RASGRP2: variants seen among roughly 807,000 people sequenced by gnomAD.
The protein encoded by RASGRP2 is RAS guanyl releasing protein 2.
In RASGRP2, 44 loss-of-function variants were observed where a neutral mutation model predicts 71.0. The observed-to-expected ratio is 0.62, with a 90% CI of 0.49 to 0.80. RASGRP2 has a LOEUF of 0.80. RASGRP2 is among the 30% of genes least tolerant of loss of function. The pLI, the probability that RASGRP2 is intolerant of heterozygous loss-of-function variation, is 0.00. For synonymous variants in RASGRP2, 350 were observed against 330.7 expected (o/e 1.06, Z -0.63); for missense variants, 663 against 813.4 (o/e 0.82, Z 2.25).
intron 12 of RASGRP2, among the ~76,000 whole-genome samples, chr11:64,733,989 C>G (rs766578351): frequency 1.3e-5 from 2 of 151,594 alleles, no homozygotes; most frequent in African/African-American, 4.8e-5. Flanking sequence ...GTAGCTGGGA[C>G]TACAGGCACG....
intron 3 of RASGRP2, 63 bp from the exon 4 acceptor site, chr11:64,741,564 T>G (rs2135793132): frequency 2.8e-6 from 4 of 1,409,290 alleles, no homozygotes; most frequent in Non-Finnish European, 3.9e-6. Context: ...GGAGGGAGGC[T>G]GGGGGCGGGG....
In RASGRP2 at chr11:64,743,178, A is replaced by T. The variant is rs1451630972; in HGVS notation, c.-71-241T>A. On this transcript the variant is annotated intron_variant, in intron 1 of 16. Transcript: ENST00000394432. This position sits in a 1 kb window ranked among gnomAD's most constrained non-coding sequence, Gnocchi z 4.9. ...CGCGGGAAGGCCGAGGGGCTTCACG[A>T]GGATGGGGACGAACCAAGATCCCAG... 1.7e-6 allele frequency: 1 copy of T among 585,854 alleles called. No homozygotes were observed. Among genetic ancestry groups the T allele is most frequent in the Admixed American group, 2.2e-5 (1 of 46,138 alleles). The allele number at this position is 585,854 out of a possible 1,614,324, so 36.3% of individuals were successfully genotyped here. A position where few individuals can be genotyped will look rare whatever the true frequency, so the allele number is the denominator to read the frequency against.
Position 64,739,718 on chromosome 11 carries a change from T to G in RASGRP2, c.614A>C (p.Gln205Pro). The G allele has an allele frequency of 6.2e-7, 1 of 1,613,884 alleles. No homozygotes were observed. Among genetic ancestry groups the G allele is most frequent in the Non-Finnish European group, 8.5e-7 (1 of 1,179,894 alleles). The change falls in exon 7 of 17, where the codon CAG (glutamine) becomes CCG (proline). Residue 205 changes from glutamine (Q) to proline (P), a missense_variant. Gln to Pro is a moderately conservative substitution (Grantham distance 76). Transcript: ENST00000394432. This position sits in a 1 kb window ranked among gnomAD's most constrained non-coding sequence, Gnocchi z 4.2. ...RFISLFNSVS[Q>P]WVQLMILSKP... Reference sequence around the variant, plus strand: ...GCTGAGGATCATGAGCTGCACCCACTGTGAGACGCTGTTGAAGAGGGAGAT... The same window carrying G: ...GCTGAGGATCATGAGCTGCACCCACGGTGAGACGCTGTTGAAGAGGGAGAT...
At chr11:64,737,183 C>T (rs772840601) in intron 8 of RASGRP2, 149 bp from the exon 9 acceptor site, 5 of 917,642 alleles carry the variant, frequency 5.4e-6, no homozygotes, top group Non-Finnish European at 6.8e-6. Flanking sequence ...CTGGCTCTCT[C>T]AGCCCCTGGG....
At position 64,735,882 on chromosome 11, in the gene RASGRP2, G is replaced by A. The variant is rs375546166; in HGVS notation, c.1173+21C>T. On this transcript the variant is annotated intron_variant, in intron 10 of 16. Transcript: ENST00000394432. This position sits in a 1 kb window ranked among gnomAD's most constrained non-coding sequence, Gnocchi z 4.2. ...TCTCAGGAGGGAAGGGCAGAGTGGA[G>A]AGGAGGGAGTACCCCCTCACCGAGG... is the stretch of plus-strand genomic sequence containing the variant. 1.1e-5 allele frequency: 18 copies of A among 1,609,150 alleles called. No individual in the cohort carries two copies. In the African/African-American group the frequency reaches 1.5e-4, roughly 13 times the overall value.
In RASGRP2 at chr11:64,735,716, G is replaced by GC. The variant is rs1565508427; in HGVS notation, c.1174-53dup. 6.3e-7 allele frequency: 1 copy of GC among 1,576,116 alleles called. No homozygotes were observed. Among genetic ancestry groups the GC allele is most frequent in the Non-Finnish European group, 8.6e-7 (1 of 1,162,140 alleles). On this transcript the variant is annotated intron_variant, in intron 10 of 16. Coordinates refer to ENST00000394432, the MANE Select transcript of RASGRP2 (RefSeq NM_001098671.2). The surrounding 1 kb of genome is among the most constrained non-coding windows in gnomAD (Gnocchi z 4.2). ...GGGCCAGAGGCAGGGGAAGCCCAGA[G>GC]CCCCGGGGAACAGAGAGGGGAATCC...
At position 64,735,015 on chromosome 11, in the gene RASGRP2, T is replaced by C. The variant is rs1412912568; in HGVS notation, c.1412+97A>G. 1.0e-6 allele frequency: 1 copy of C among 985,040 alleles called. No homozygotes were observed. 61.0% of individuals were successfully genotyped at this position (985,040 alleles called of 1,614,324 possible). ...GGCAGCTTCCCAGGCCAAGATCATC[T>C]GGCTCAGTGACCTCATCTTGCACAC... On this transcript the variant is annotated intron_variant, in intron 12 of 16. Coordinates refer to ENST00000394432, the MANE Select transcript of RASGRP2 (RefSeq NM_001098671.2). The surrounding 1 kb of genome is among the most constrained non-coding windows in gnomAD (Gnocchi z 4.2).
In RASGRP2 at chr11:64,739,335, C is replaced by T; in HGVS notation, c.813+25G>A. 1 of 1,579,112 alleles carries T rather than the reference C, an allele frequency of 6.3e-7. No homozygotes were observed. The highest frequency in any genetic ancestry group is 8.7e-7 in the Non-Finnish European group (1 of 1,148,158). On this transcript the variant is annotated intron_variant, in intron 8 of 16. Transcript: ENST00000394432. This position sits in a 1 kb window ranked among gnomAD's most constrained non-coding sequence, Gnocchi z 4.2. ...CCAGTGAAGACAGACCTGGGAAGCA[C>T]CGGCCCCTCCCCAGTCCCAGGCACC...
chr11:64,740,003 C>A lies in RASGRP2; in HGVS notation c.522+10G>T, dbSNP rs202003930. On this transcript the variant is annotated intron_variant, in intron 6 of 16. Transcript: ENST00000394432. ...ATTGGACCCCTGACCCCCCAGCCCTCGGGCCGCACCAGGATCTTGCAGAAG... is the reference window on the plus strand; with the variant it reads ...ATTGGACCCCTGACCCCCCAGCCCTAGGGCCGCACCAGGATCTTGCAGAAG... The A allele has an allele frequency of 3.0e-5, 48 of 1,614,026 alleles. No homozygotes were observed. The Middle Eastern group carries it at 1.5e-3, about 50-fold the overall frequency.
In RASGRP2 at chr11:64,742,499, G is replaced by C; in HGVS notation, c.73+295C>G. The C allele has an allele frequency of 1.7e-6, 1 of 576,414 alleles. No homozygotes were observed. The highest frequency in any genetic ancestry group is 3.1e-6 in the Non-Finnish European group (1 of 322,046). 35.7% of individuals were successfully genotyped at this position (576,414 alleles called of 1,614,324 possible). On this transcript the variant is annotated intron_variant, in intron 2 of 16. Coordinates refer to ENST00000394432, the MANE Select transcript of RASGRP2 (RefSeq NM_001098671.2). The surrounding 1 kb of genome is among the most constrained non-coding windows in gnomAD (Gnocchi z 4.7). Reference sequence around the variant, plus strand: ...AAACAGCTCCCAGGCCGGAGATAGCGAGTTCCTCCGGATTCCCCGGGAGAC... The same window carrying C: ...AAACAGCTCCCAGGCCGGAGATAGCCAGTTCCTCCGGATTCCCCGGGAGAC...
In RASGRP2 at chr11:64,740,962, G is replaced by C. The variant is rs1261087127; in HGVS notation, c.357C>G (p.Ile119Met). Reference protein sequence around the residue: ...QEGNRRHSSLIDIDSVPTYKW... With the variant: ...QEGNRRHSSLMDIDSVPTYKW... ...CCCCCACGCACACGCTGTCTATGTCGATTAGGCTGCTGTGCCGTCGGTTCC... is the reference window on the plus strand; with the variant it reads ...CCCCCACGCACACGCTGTCTATGTCCATTAGGCTGCTGTGCCGTCGGTTCC... The change falls in exon 5 of 17, where the codon ATC (isoleucine) becomes ATG (methionine). Residue 119 changes from isoleucine to methionine, a missense_variant. Coordinates refer to ENST00000394432, the MANE Select transcript of RASGRP2 (RefSeq NM_001098671.2). 6.2e-7 allele frequency: 1 copy of C among 1,613,650 alleles called. No individual in the cohort carries two copies. Among genetic ancestry groups the C allele is most frequent in the Admixed American group, 1.7e-5 (1 of 59,966 alleles).
In RASGRP2 at chr11:64,742,250, C is replaced by G. The variant is rs2058152742; in HGVS notation, c.74-138G>C. ...CCCACCTCCTGCTTGCCCAGGACTC[C>G]GAGAGCAGGAGGCAAATTAGAGAGG... is the stretch of plus-strand genomic sequence containing the variant. On this transcript the variant is annotated intron_variant, in intron 2 of 16. Transcript: ENST00000394432. The surrounding 1 kb of genome is among the most constrained non-coding windows in gnomAD (Gnocchi z 4.7). 1 of 728,742 alleles carries G rather than the reference C, an allele frequency of 1.4e-6. No homozygotes were observed. Among genetic ancestry groups the G allele is most frequent in the South Asian group, 1.5e-5 (1 of 66,066 alleles). 45.1% of individuals were successfully genotyped at this position (728,742 alleles called of 1,614,324 possible).
intron 8 of RASGRP2, among the ~76,000 whole-genome samples, chr11:64,738,162 A>G (rs1354944620): frequency 1.3e-5 from 2 of 152,264 alleles, no homozygotes; most frequent in African/African-American, 4.8e-5. Flanking sequence ...AACCATGTGG[A>G]ATGAAAAAAG....
chr11:64,744,201 C>A, upstream of RASGRP2: 3 of 986,076 alleles, frequency 3.0e-6, no homozygotes, highest in Non-Finnish European at 3.6e-6. Context: ...GTGCGCACGC[C>A]CATTCCGTCG....
At chr11:64,734,032 C>T (rs1163312156) in intron 12 of RASGRP2, among the ~76,000 whole-genome samples, 2 of 151,684 alleles carry the variant, frequency 1.3e-5, no homozygotes, top group Admixed American at 1.3e-4. Context: ...TTTTTTTAGG[C>T]TAGGAGCAGT....
Position 64,742,380 on chromosome 11 carries a change from G to T in RASGRP2, c.74-268C>A. 1 of 584,726 alleles carries T rather than the reference G, an allele frequency of 1.7e-6. No homozygotes were observed. Among genetic ancestry groups the T allele is most frequent in the Non-Finnish European group, 3.1e-6 (1 of 326,774 alleles). The allele number at this position is 584,726 out of a possible 1,614,324, so 36.2% of individuals were successfully genotyped here. A position where few individuals can be genotyped will look rare whatever the true frequency, so the allele number is the denominator to read the frequency against. ...GAACCAGCTGGGGCGGAAGGAGCCT[G>T]GGTTCCCCGGGGTCAAGAATCCAGA... On this transcript the variant is annotated intron_variant, in intron 2 of 16. Transcript: ENST00000394432. The surrounding 1 kb of genome is among the most constrained non-coding windows in gnomAD (Gnocchi z 4.7).
In RASGRP2 at chr11:64,743,889, C is replaced by G. The variant is rs2135808592; in HGVS notation, c.-72+114G>C. The G allele has an allele frequency of 2.7e-6, 2 of 740,764 alleles. No homozygotes were observed. The highest frequency in any genetic ancestry group is 3.4e-6 in the Non-Finnish European group (2 of 591,140). The allele number at this position is 740,764 out of a possible 1,614,324, so 45.9% of individuals were successfully genotyped here. On this transcript the variant is annotated intron_variant, in intron 1 of 16. Coordinates refer to ENST00000394432, the MANE Select transcript of RASGRP2 (RefSeq NM_001098671.2). This position sits in a 1 kb window ranked among gnomAD's most constrained non-coding sequence, Gnocchi z 4.9. ...GGGACCTAAGTGGAGGTGCAGGCGT[C>G]CGCACTTACACGCACCGGGCCACAG...
chr11:64,737,060 T>C (rs2057965653), intron 8 of RASGRP2, 26 bp from the exon 9 acceptor site: 4 of 1,612,654 alleles, frequency 2.5e-6, no homozygotes, highest in African/African-American at 1.3e-5. Flanking sequence ...AGAGGAGTCA[T>C]ACCCCCACAA....
Position 64,743,638 on chromosome 11 carries a change from G to A in RASGRP2, c.-72+365C>T, listed in dbSNP as rs1007556621. On this transcript the variant is annotated intron_variant, in intron 1 of 16. Transcript: ENST00000394432. The surrounding 1 kb of genome is among the most constrained non-coding windows in gnomAD (Gnocchi z 4.9). ...CAAAGGTCCCAGGGGTCCCGGCTCAGCTTGTCCACAGGCCCTCTTCCTCCC... is the reference window on the plus strand; with the variant it reads ...CAAAGGTCCCAGGGGTCCCGGCTCAACTTGTCCACAGGCCCTCTTCCTCCC... 7.1e-6 allele frequency: 3 copies of A among 423,386 alleles called. No individual in the cohort carries two copies. The highest frequency in any genetic ancestry group is 1.4e-5 in the Non-Finnish European group (3 of 212,808). The allele number at this position is 423,386 out of a possible 1,614,324, so 26.2% of individuals were successfully genotyped here. A position where few individuals can be genotyped will look rare whatever the true frequency, so the allele number is the denominator to read the frequency against.
Sources: allele counts gnomAD v4.1 joint callset (sites outside exome capture counted in the v4.1 genomes callset), GRCh38; gene constraint gnomAD v4.1.1; non-coding constraint Gnocchi (gnomAD v3.1); transcripts MANE v1.5; gene names NCBI Gene and HGNC (gene_info 2026-07-23, HGNC 2026-07-21).